TMEM232: variants seen among roughly 807,000 people sequenced by gnomAD.
TMEM232 encodes transmembrane protein 232.
In TMEM232, 80 loss-of-function variants were observed where a neutral mutation model predicts 78.8. The ratio of observed to expected loss-of-function variants is 1.01; its 90% CI spans 0.85 to 1.22. The LOEUF is 1.22. Among genes scored for constraint, TMEM232 ranks in the 50% most tolerant of loss-of-function variants. The pLI is 0.00. For synonymous variants in TMEM232, 297 were observed against 254.3 expected, an observed-to-expected ratio of 1.17 and a Z score of -1.60; for missense variants, 881 against 742.2, an observed-to-expected ratio of 1.19 and a Z score of -2.17.
At chr5:110,687,693 T>C (rs1281821583) in intron 1 of TMEM232, among the ~76,000 whole-genome samples, 2 of 152,028 alleles carry the variant, frequency 1.3e-5, no homozygotes, top group East Asian at 1.9e-4. Flanking sequence ...TTTCTCTTTG[T>C]CTCTCTCTCT....
chr5:110,534,147 C>T (rs1204211579), intron 11 of TMEM232, among the ~76,000 whole-genome samples: 1 of 152,160 alleles, frequency 6.6e-6, no homozygotes, highest in Non-Finnish European at 1.5e-5. Flanking sequence ...GCCTTTCCCA[C>T]AAAGGCTAAG....
At chr5:110,603,779 G>T (rs1002335617) in intron 10 of TMEM232, among the ~76,000 whole-genome samples, 2 of 152,000 alleles carry the variant, frequency 1.3e-5, no homozygotes, top group Non-Finnish European at 2.9e-5. Flanking sequence ...GTGGGAAAAG[G>T]TCACACTAAT....
chr5:110,393,093 T>A (rs1755262753), intron 3 of TMEM232, among the ~76,000 whole-genome samples: 1 of 152,196 alleles, frequency 6.6e-6, no homozygotes, highest in Non-Finnish European at 1.5e-5. Context: ...GTACAGAGTA[T>A]AATATGTTGG....
chr5:110,510,573 T>C (rs531717871), intron 12 of TMEM232, among the ~76,000 whole-genome samples: 2 of 152,052 alleles, frequency 1.3e-5, no homozygotes, highest in South Asian at 4.1e-4. Flanking sequence ...AAGCCAACAA[T>C]GGCAATAACA....
At chr5:110,556,389 C>T (rs746235264) in intron 11 of TMEM232, among the ~76,000 whole-genome samples, 11 of 150,326 alleles carry the variant, frequency 7.3e-5, no homozygotes, top group Non-Finnish European at 1.5e-4. Context: ...TTCTTTCTTT[C>T]CTTCTTTCTT....
At chr5:110,410,136 A>G (rs536333343) in intron 2 of TMEM232, among the ~76,000 whole-genome samples, 6 of 152,364 alleles carry the variant, frequency 3.9e-5, no homozygotes, top group Non-Finnish European at 7.3e-5. Flanking sequence ...GTCAGAGGCT[A>G]GAATACAGCC....
At chr5:110,411,326 A>G (rs1755988173) in intron 2 of TMEM232, among the ~76,000 whole-genome samples, 5 of 152,142 alleles carry the variant, frequency 3.3e-5, no homozygotes, top group Non-Finnish European at 7.3e-5. Flanking sequence ...CAGGGGTTCA[A>G]TGGTGTGATG....
chr5:110,592,286 C>T (rs1300299303), intron 10 of TMEM232, among the ~76,000 whole-genome samples: 3 of 152,138 alleles, frequency 2.0e-5, no homozygotes, highest in Middle Eastern at 3.4e-3. Context: ...CCGAATATAT[C>T]CTTGGGACAT....
intron 1 of TMEM232, among the ~76,000 whole-genome samples, chr5:110,724,959 G>A (rs1045046690): frequency 6.6e-6 from 1 of 152,072 alleles, no homozygotes; most frequent in Non-Finnish European, 1.5e-5. Flanking sequence ...AAAACGCAAT[G>A]AAAGTAATAG....
intron 12 of TMEM232, among the ~76,000 whole-genome samples, chr5:110,510,528 T>C (rs971088681): frequency 3.3e-5 from 5 of 152,210 alleles, no homozygotes; most frequent in African/African-American, 7.2e-5. Flanking sequence ...GCAGGCTATA[T>C]TGAATGGCAT....
chr5:110,725,405 T>G (rs1798051052), intron 1 of TMEM232, among the ~76,000 whole-genome samples: 1 of 152,176 alleles, frequency 6.6e-6, no homozygotes, highest in Non-Finnish European at 1.5e-5. Flanking sequence ...GTTAAGCATT[T>G]GTGAGCAGAC....
intron 11 of TMEM232, among the ~76,000 whole-genome samples, chr5:110,547,189 T>C (rs145352839): frequency 1.1e-3 from 161 of 152,306 alleles, no homozygotes; most frequent in African/African-American, 3.8e-3. Flanking sequence ...CTTATTTGTA[T>C]ATGTGGCATT....
intron 10 of TMEM232, among the ~76,000 whole-genome samples, chr5:110,570,208 A>G (rs894563332): frequency 1.3e-5 from 2 of 151,972 alleles, no homozygotes; most frequent in African/African-American, 4.8e-5. Context: ...TCCTTATAGG[A>G]ACTTTACTAA....
chr5:110,534,694 C>A (rs138852938), intron 11 of TMEM232, among the ~76,000 whole-genome samples: 21 of 152,306 alleles, frequency 1.4e-4, no homozygotes, highest in African/African-American at 4.6e-4. Flanking sequence ...TCTCCTGGTG[C>A]TATCCCCAAA....
intron 12 of TMEM232, among the ~76,000 whole-genome samples, chr5:110,528,088 A>G (rs1301315360): frequency 6.6e-6 from 1 of 151,914 alleles, no homozygotes; most frequent in African/African-American, 2.4e-5. Flanking sequence ...AAATCTGAAA[A>G]TTATTCACTT....
At chr5:110,492,998 G>A (rs892879163) in intron 12 of TMEM232, among the ~76,000 whole-genome samples, 1 of 151,770 alleles carries the variant, frequency 6.6e-6, no homozygotes, top group African/African-American at 2.4e-5. Context: ...ATTAAAGCCA[G>A]GAGTCATAGA....
At chr5:110,683,699 T>C (rs998836390) in intron 1 of TMEM232, among the ~76,000 whole-genome samples, 6 of 151,852 alleles carry the variant, frequency 4.0e-5, no homozygotes, top group South Asian at 2.1e-4. Flanking sequence ...CAAAAATATA[T>C]AAAATTTTGA....
rs76302845 is a variant in TMEM232, at chr5:110,674,360, T to C, written c.-12-6996A>G. Among the ~76,000 whole-genome samples the C allele has an allele frequency of 5.6e-3, 853 of 152,336 alleles. 4 individuals are homozygous for C. The highest frequency in any genetic ancestry group is 0.019 in the African/African-American group (801 of 41,576). Reference sequence around the variant, plus strand: ...ATAAAATTATGAAGGTAAAAATGTTTAATTTGCATGAATGTGAAAAAAGTA... The same window carrying C: ...ATAAAATTATGAAGGTAAAAATGTTCAATTTGCATGAATGTGAAAAAAGTA... On this transcript the variant is annotated intron_variant, in intron 1 of 13. Coordinates refer to ENST00000455884, the MANE Select transcript of TMEM232 (RefSeq NM_001039763.4).
intron 1 of TMEM232, among the ~76,000 whole-genome samples, chr5:110,685,355 C>A (rs1056326203): frequency 3.3e-5 from 5 of 151,938 alleles, no homozygotes; most frequent in Admixed American, 1.3e-4. Flanking sequence ...GTTTTAAGAG[C>A]AGATATTGGT....
Sources: allele counts gnomAD v4.1 joint callset (sites outside exome capture counted in the v4.1 genomes callset), GRCh38; gene constraint gnomAD v4.1.1; transcripts MANE v1.5; gene names NCBI Gene and HGNC (gene_info 2026-07-23, HGNC 2026-07-21).